PRKCZ: variants seen among roughly 807,000 people sequenced by gnomAD.
PRKCZ encodes protein kinase C zeta, also known as protein kinase C zeta type.
PRKCZ carries 33 observed loss-of-function variants against 79.5 expected under a neutral mutation model. The observed-to-expected ratio is 0.41, with a 90% CI of 0.31 to 0.55. PRKCZ has a LOEUF of 0.55. Ranked by LOEUF, PRKCZ falls within the 20% of genes least tolerant of loss-of-function variation. PRKCZ has a pLI of 0.19. For synonymous variants in PRKCZ, 342 were observed against 320.9 expected, an observed-to-expected ratio of 1.07 and a Z score of -0.70; for missense variants, 578 against 813.5, an observed-to-expected ratio of 0.71 and a Z score of 3.52.
chr1:2,135,062 G>A, intron 4 of PRKCZ, 200 bp from the exon 5 acceptor site: 2 of 491,024 alleles, frequency 4.1e-6, no homozygotes, highest in Non-Finnish European at 7.3e-6. Flanking sequence ...TCCAGCCGCC[G>A]AGGCCGTGAC....
intron 17 of PRKCZ, 56 bp from the exon 18 acceptor site, chr1:2,184,866 C>T (rs1399640039): frequency 6.6e-7 from 1 of 1,505,912 alleles, no homozygotes; most frequent in East Asian, 2.3e-5. Context: ...ACTCCGCTTC[C>T]CCCAAGGGAA....
chr1:2,056,604 TGGG>T, intron 3 of PRKCZ, 31 bp downstream of exon 3: 3 of 1,588,744 alleles, frequency 1.9e-6, no homozygotes, highest in Non-Finnish European at 2.6e-6. Context: ...TGGGCAGCTC[TGGG>T]GGGCTGTTCC....
At position 2,144,233 on chromosome 1, in the gene PRKCZ, C is replaced by A; in HGVS notation, c.444C>A (p.Ser148Arg). Residue 148 changes from serine to arginine, a missense_variant, in exon 6 of 18, where the codon AGC becomes AGA. Transcript: ENST00000378567. ...FNRRAYCGQC[S>R]ERIWGLARQG... ...AGAGAGCGTACTGCGGTCAGTGCAG[C>A]GAGAGGATATGGGGCCTCGCGAGGC... The A allele has an allele frequency of 6.4e-7, 1 of 1,552,842 alleles. No homozygotes were observed. Among genetic ancestry groups the A allele is most frequent in the Non-Finnish European group, 8.7e-7 (1 of 1,147,430 alleles).
intron 4 of PRKCZ, among the ~76,000 whole-genome samples, chr1:2,110,885 G>A (rs1340952105): frequency 1.3e-5 from 2 of 152,104 alleles, no homozygotes; most frequent in Non-Finnish European, 2.9e-5. Context: ...GGTGGGGCTG[G>A]TGGACGGTGT....
intron 10 of PRKCZ, among the ~76,000 whole-genome samples, chr1:2,166,853 C>T (rs939978150): frequency 6.6e-6 from 1 of 152,226 alleles, no homozygotes; most frequent in African/African-American, 2.4e-5. Context: ...TGCGCCCCTG[C>T]CTGAGAGCCT....
chr1:2,146,059 A>G lies in PRKCZ; in HGVS notation c.585A>G (p.Val195=), dbSNP rs1322365457. The G allele has an allele frequency of 6.2e-7, 1 of 1,614,138 alleles. No homozygotes were observed. The highest frequency in any genetic ancestry group is 1.3e-5 in the African/African-American group (1 of 75,050). The change falls in exon 7 of 18, where the codon GTA becomes GTG. Residue 195 remains valine, a synonymous_variant. Coordinates refer to ENST00000378567, the MANE Select transcript of PRKCZ (RefSeq NM_002744.6). ...TCATGCCTTCCCAAGAGCCTCCAGT[A>G]GACGACAAGAACGAGGACGCCGACC... The part of the protein sequence containing the change: ...DSVMPSQEPP[V]DDKNEDADLP...
intron 4 of PRKCZ, among the ~76,000 whole-genome samples, chr1:2,089,232 C>CG (rs35300904): frequency 0.5 from 75,494 of 151,976 alleles, 23,013 homozygotes; most frequent in East Asian, 0.96. Context: ...TGGCAGACGC[C>CG]ATGAGGAAGG....
intron 1 of PRKCZ, among the ~76,000 whole-genome samples, chr1:2,052,848 C>A (rs1361755574): frequency 6.6e-6 from 1 of 152,332 alleles, no homozygotes; most frequent in South Asian, 2.1e-4. Context: ...GAAGACTAGT[C>A]TTTAGAAAAA....
At position 2,172,420 on chromosome 1, in the gene PRKCZ, C is replaced by T; in HGVS notation, c.1285+32C>T. On this transcript the variant is annotated intron_variant, in intron 13 of 17. Transcript: ENST00000378567. The surrounding 1 kb of genome is among the most constrained non-coding windows in gnomAD (Gnocchi z 7.8). ...GCCGCTGCCCTGGCCCCTCTCGGAG[C>T]ACACAGGGCCAGAGATGGCTTCGGG... is the stretch of plus-strand genomic sequence containing the variant. 6.3e-7 allele frequency: 1 copy of T among 1,593,442 alleles called. No individual in the cohort carries two copies. The highest frequency in any genetic ancestry group is 1.1e-5 in the South Asian group (1 of 88,568).
In PRKCZ at chr1:2,149,776, G is replaced by A. The variant is rs1488119085; in HGVS notation, c.687+852G>A. 6.6e-6 allele frequency among the ~76,000 whole-genome samples: 1 copy of A among 152,060 alleles called. No individual in the cohort carries two copies. Among genetic ancestry groups the A allele is most frequent in the Non-Finnish European group, 1.5e-5 (1 of 68,004 alleles). ...CTTGGGAGGCTGAGGTGGGAGGATC[G>A]CCTGAGCCTGGGAGGTGGAGGCTGC... On this transcript the variant is annotated intron_variant, in intron 8 of 17. Transcript: ENST00000378567. The surrounding 1 kb of genome is among the most constrained non-coding windows in gnomAD (Gnocchi z 4.1).
intron 4 of PRKCZ, among the ~76,000 whole-genome samples, chr1:2,115,426 G>T (rs1374551883): frequency 6.6e-6 from 1 of 152,234 alleles, no homozygotes; most frequent in Non-Finnish European, 1.5e-5. Context: ...GCACCAGGTC[G>T]CACTCTGCAC....
chr1:2,085,907 G>C (rs1664438701), intron 4 of PRKCZ, among the ~76,000 whole-genome samples: 1 of 152,160 alleles, frequency 6.6e-6, no homozygotes, highest in Non-Finnish European at 1.5e-5. Context: ...ATGCAGAGAG[G>C]CACTTCTCTC....
At chr1:2,071,549 A>G in intron 4 of PRKCZ, 1 of 180,080 alleles carries the variant, frequency 5.6e-6, no homozygotes, top group Non-Finnish European at 1.2e-5. Context: ...CTTTGTCTCA[A>G]ATTATTTGCA....
intron 5 of PRKCZ, among the ~76,000 whole-genome samples, chr1:2,136,111 C>T (rs779402148): frequency 1.3e-5 from 2 of 152,158 alleles, no homozygotes; most frequent in Non-Finnish European, 2.9e-5. Flanking sequence ...TCACCTGCCA[C>T]GTGGCCTCAC....
In PRKCZ at chr1:2,125,880, G is replaced by A. The variant is rs575160747; in HGVS notation, c.335-9382G>A. Among the ~76,000 whole-genome samples, 48 of 152,168 alleles carry A rather than the reference G, an allele frequency of 3.2e-4. No homozygotes were observed. The highest frequency in any genetic ancestry group is 1.1e-3 in the African/African-American group (46 of 41,510). On this transcript the variant is annotated intron_variant, in intron 4 of 17. Transcript: ENST00000378567. The surrounding 1 kb of genome is among the most constrained non-coding windows in gnomAD (Gnocchi z 4.2). The stretch of plus-strand genomic sequence containing the variant: ...GGAAGGAGCCGCCCGGCTGCCTCTC[G>A]CCAACATGCAGCACTTCCCTTCCTT...
At chr1:2,121,615 T>TGGTGGTTAGGGTCAC (rs1557612344) in intron 4 of PRKCZ, among the ~76,000 whole-genome samples, 1 of 67,468 alleles carries the variant, frequency 1.5e-5, no homozygotes, top group Non-Finnish European at 3.3e-5. Flanking sequence ...ATTAGGGTCA[T>TGGTGGTTAGGGTCAC]GGTGGTGGTT....
At chr1:2,065,201 G>C (rs974446164) in intron 4 of PRKCZ, among the ~76,000 whole-genome samples, 1 of 152,132 alleles carries the variant, frequency 6.6e-6, no homozygotes, top group Non-Finnish European at 1.5e-5. Flanking sequence ...TTTTTTGCCT[G>C]CTGTTTTGCT....
rs1350853342 is a variant in PRKCZ at position 2,096,191 on chromosome 1, G to A, written c.334+36600G>A. ...CCTCCCTGCGTCTGGCCTCTGGGTG[G>A]GTGGTGGTGGCTTCCTTGTGACTTC... On this transcript the variant is annotated intron_variant, in intron 4 of 17. Transcript: ENST00000378567. Among the ~76,000 whole-genome samples the A allele has an allele frequency of 1.4e-4, 21 of 151,966 alleles. 1 individual carries two copies. Among genetic ancestry groups the A allele is most frequent in the Non-Finnish European group, 2.9e-4 (20 of 67,984 alleles).
At chr1:2,055,328 C>G in intron 1 of PRKCZ, 113 bp from the exon 2 acceptor site, 2 of 1,335,618 alleles carry the variant, frequency 1.5e-6, no homozygotes, top group East Asian at 2.5e-5. Context: ...GTCATATTGT[C>G]TTTGGGGAAA....
Sources: allele counts gnomAD v4.1 joint callset (sites outside exome capture counted in the v4.1 genomes callset), GRCh38; gene constraint gnomAD v4.1.1; non-coding constraint Gnocchi (gnomAD v3.1); transcripts MANE v1.5; gene names NCBI Gene and HGNC (gene_info 2026-07-23, HGNC 2026-07-21).